PHTF2: variants seen among roughly 807,000 people sequenced by gnomAD.
PHTF2 encodes the protein putative homeodomain transcription factor 2.
In PHTF2, 60 loss-of-function variants were observed where a neutral mutation model predicts 101.2. The observed-to-expected ratio is 0.59, with a 90% confidence interval of 0.48 to 0.73. The LOEUF (loss-of-function observed/expected upper bound fraction) is 0.73, where lower values mean the gene tolerates loss of function less well. Among genes scored for constraint, PHTF2 ranks in the 30% least tolerant of loss-of-function variants. The pLI is 0.00. For missense variants in PHTF2, 747 were observed against 908.7 expected, an observed-to-expected ratio of 0.82 and a Z score of 2.29; for synonymous variants, 311 against 307.3, an observed-to-expected ratio of 1.01 and a Z score of -0.13.
At chr7:77,868,133 A>G (rs1430368836) in intron 3 of PHTF2, among the ~76,000 whole-genome samples, 1 of 151,894 alleles carries the variant, frequency 6.6e-6, no homozygotes, top group Non-Finnish European at 1.5e-5. Context: ...AAGAAGTAAT[A>G]AAATTGGATC....
chr7:77,931,720 A>C (rs1048824282), intron 12 of PHTF2, among the ~76,000 whole-genome samples: 1 of 152,226 alleles, frequency 6.6e-6, no homozygotes, highest in African/African-American at 2.4e-5. Context: ...ATGAAACTTT[A>C]GAAGATAGGC....
At chr7:77,946,941 G>A (rs1272549070) in intron 16 of PHTF2, among the ~76,000 whole-genome samples, 1 of 150,666 alleles carries the variant, frequency 6.6e-6, no homozygotes, top group Non-Finnish European at 1.5e-5. Flanking sequence ...GGGCAACATG[G>A]TGAGACCTGG....
chr7:77,895,058 A>G, intron 5 of PHTF2: 1 of 404,266 alleles, frequency 2.5e-6, no homozygotes, highest in South Asian at 1.9e-5. Context: ...ATTTTGACAA[A>G]TGTACACAGG....
At chr7:77,900,755 C>A in exon 6 of PHTF2, 1 of 1,568,518 alleles carries the variant, frequency 6.4e-7, no homozygotes, top group Non-Finnish European at 8.8e-7. Flanking sequence ...TGAAACCAGA[C>A]CTCATAGATG....
At chr7:77,949,950 CA>C (rs1373479569) in intron 17 of PHTF2, 117 bp downstream of exon 16, 20 of 550,802 alleles carry the variant, frequency 3.6e-5, no homozygotes, top group Non-Finnish European at 5.7e-5. Flanking sequence ...TGCTATAAAG[CA>C]AAATGTAAAA....
intron 1 of PHTF2, among the ~76,000 whole-genome samples, chr7:77,822,966 G>T (rs920405493): frequency 2.9e-5 from 4 of 137,782 alleles, no homozygotes; most frequent in African/African-American, 1.1e-4. Flanking sequence ...GTGCAGTGGC[G>T]CGATCTCGGC....
At chr7:77,916,380 T>A (rs1490895743) in intron 9 of PHTF2, among the ~76,000 whole-genome samples, 1 of 152,224 alleles carries the variant, frequency 6.6e-6, no homozygotes, top group Non-Finnish European at 1.5e-5. Context: ...ATACTGTCCC[T>A]TTGAGGTAGT....
chr7:77,829,716 C>A (rs150218749), intron 1 of PHTF2, among the ~76,000 whole-genome samples: 1 of 152,168 alleles, frequency 6.6e-6, no homozygotes, highest in African/African-American at 2.4e-5. Flanking sequence ...CTAAAAATTT[C>A]TTGTTTTGGT....
At chr7:77,903,506 A>G (rs1006817388) in intron 7 of PHTF2, among the ~76,000 whole-genome samples, 1 of 152,238 alleles carries the variant, frequency 6.6e-6, no homozygotes, top group Non-Finnish European at 1.5e-5. Context: ...CAATGTAACT[A>G]AAAGTTCACT....
intron 16 of PHTF2, among the ~76,000 whole-genome samples, chr7:77,947,966 G>C (rs539520174): frequency 1.2e-4 from 18 of 150,396 alleles, no homozygotes; most frequent in Admixed American, 2.7e-4. Context: ...AGCCTCCTGA[G>C]TAGCTGGGAT....
intron 2 of PHTF2, among the ~76,000 whole-genome samples, chr7:77,845,529 A>T (rs1479412531): frequency 1.3e-5 from 2 of 152,232 alleles, no homozygotes; most frequent in Non-Finnish European, 2.9e-5. Flanking sequence ...TTTAAATGAG[A>T]AACTAGCCTG....
At chr7:77,897,594 G>A (rs903930236) in intron 5 of PHTF2, among the ~76,000 whole-genome samples, 2 of 151,952 alleles carry the variant, frequency 1.3e-5, no homozygotes, top group Non-Finnish European at 2.9e-5. Context: ...TGATAGTACT[G>A]AAAGCTATGC....
intron 7 of PHTF2, among the ~76,000 whole-genome samples, chr7:77,906,979 C>T (rs571397032): frequency 4.8e-5 from 7 of 144,662 alleles, no homozygotes; most frequent in Non-Finnish European, 7.6e-5. Context: ...GTTAAGTATA[C>T]ATTTACGGTG....
At chr7:77,832,774 A>G (rs953959530) in intron 1 of PHTF2, among the ~76,000 whole-genome samples, 1 of 151,944 alleles carries the variant, frequency 6.6e-6, no homozygotes, top group South Asian at 2.1e-4. Context: ...CACTGATTCT[A>G]TGTTATGGTG....
At chr7:77,841,800 T>C (rs1017617301) in intron 2 of PHTF2, among the ~76,000 whole-genome samples, 6 of 152,228 alleles carry the variant, frequency 3.9e-5, no homozygotes, top group African/African-American at 1.4e-4. Context: ...TCTGCTTAGC[T>C]AAAGAGCTAA....
rs1168864212 is a variant in PHTF2 at position 77,932,560 on chromosome 7, CAG to C, written c.1338+3240_1338+3241del. Among the ~76,000 whole-genome samples, 3 of 137,160 alleles carry C rather than the reference CAG, an allele frequency of 2.2e-5. No homozygotes were observed. In the South Asian group the frequency reaches 7.0e-4, roughly 32 times the overall value. 90.0% of individuals were successfully genotyped at this position (137,160 alleles called of 152,430 possible). On this transcript the variant is annotated intron_variant, in intron 12 of 19. Coordinates refer to ENST00000416283, the Ensembl canonical transcript of PHTF2. Reference sequence around the variant, plus strand: ...ATTTGTGGAGAATGGAGAAAGGGGACAGAGAGAGGGAGAGAGAGAAAGAGGAA... The same window carrying C: ...ATTTGTGGAGAATGGAGAAAGGGGACAGAGAGGGAGAGAGAGAAAGAGGAA...
At chr7:77,932,621 A>AGTGTGTGT (rs56005414) in intron 12 of PHTF2, among the ~76,000 whole-genome samples, 1,268 of 118,518 alleles carry the variant, frequency 0.011, 10 homozygotes, top group Middle Eastern at 0.027. Flanking sequence ...AGAGAGAGAG[A>AGTGTGTGT]GTGTGTGTGT....
At chr7:77,860,261 C>T (rs535293599) in intron 3 of PHTF2, among the ~76,000 whole-genome samples, 1 of 152,210 alleles carries the variant, frequency 6.6e-6, no homozygotes, top group South Asian at 2.1e-4. Context: ...TCGACATGTG[C>T]AGTTTAAAAA....
chr7:77,804,087 A>G (rs1286362372), intron 1 of PHTF2, among the ~76,000 whole-genome samples: 5 of 152,212 alleles, frequency 3.3e-5, no homozygotes, highest in Non-Finnish European at 7.3e-5. Context: ...TTCTTTGACA[A>G]GGAAAAGCTA....
Sources: gnomAD v4.1 joint callset for allele counts (sites outside exome capture counted in the v4.1 genomes callset) on GRCh38, gnomAD v4.1.1 for gene constraint, MANE v1.5 for transcripts, NCBI Gene and HGNC (gene_info 2026-07-23, HGNC 2026-07-21) for gene names.